RGS22: variants seen among roughly 807,000 people sequenced by gnomAD.
The protein encoded by RGS22 is regulator of G-protein signaling 22.
A neutral mutation model predicts 172.9 loss-of-function variants in RGS22; 148 were observed. The observed-to-expected ratio is 0.86, with a 90% CI of 0.75 to 0.98. The LOEUF (loss-of-function observed/expected upper bound fraction) is 0.98, where lower values mean the gene tolerates loss of function less well. Among genes scored for constraint, RGS22 ranks in the 50% least tolerant of loss-of-function variants. RGS22 has a pLI of 0.00. For synonymous variants in RGS22, 458 were observed against 480.2 expected (o/e 0.95, Z 0.60); for missense variants, 1,347 against 1,440.8 (o/e 0.93, Z 1.05).
At chr8:100,033,105 G>A (rs1394237348) in intron 14 of RGS22, among the ~76,000 whole-genome samples, 1 of 152,098 alleles carries the variant, frequency 6.6e-6, no homozygotes, top group Non-Finnish European at 1.5e-5. Context: ...ACAATTAAAA[G>A]AACTAGAGAA....
rs1259551210 is a variant in RGS22 at position 100,051,513 on chromosome 8, ATATATTTT to A, written c.1689+1281_1689+1288del. Reference sequence around the variant, plus strand: ...TATAATATATAATAAATATATATAAATATATTTTTATATATTTATACATATATATTTAT... The same window carrying A: ...TATAATATATAATAAATATATATAAATATATATTTATACATATATATTTAT... On this transcript the variant is annotated intron_variant, in intron 10 of 27. Transcript: ENST00000360863. 1.5e-4 allele frequency among the ~76,000 whole-genome samples: 3 copies of A among 19,712 alleles called. 1 individual carries two copies. The highest frequency in any genetic ancestry group is 5.5e-4 in the African/African-American group (3 of 5,440). The allele number at this position is 19,712 out of a possible 152,430, so 12.9% of individuals were successfully genotyped here.
chr8:100,102,840 A>C (rs528850516), intron 2 of RGS22, among the ~76,000 whole-genome samples: 1 of 152,356 alleles, frequency 6.6e-6, no homozygotes, highest in Admixed American at 6.5e-5. Context: ...GGTAAGGTTA[A>C]AGAAGGCTGA....
At chr8:100,015,289 T>TTTTC (rs142998285) in intron 14 of RGS22, among the ~76,000 whole-genome samples, 10,411 of 152,018 alleles carry the variant, frequency 0.068, 463 homozygotes, top group Non-Finnish European at 0.096. Context: ...TTTTCTTTTC[T>TTTTC]TTTCTTTCTT....
intron 21 of RGS22, 29 bp from the exon 22 acceptor site, chr8:99,982,145 A>C: frequency 6.5e-7 from 1 of 1,529,192 alleles, no homozygotes; most frequent in Non-Finnish European, 8.9e-7. Flanking sequence ...AGAATGGTAT[A>C]TAATTAATGC....
At chr8:100,081,010 A>G (rs1811711582) in intron 3 of RGS22, among the ~76,000 whole-genome samples, 1 of 152,292 alleles carries the variant, frequency 6.6e-6, no homozygotes, top group Non-Finnish European at 1.5e-5. Context: ...GACTCTAGGT[A>G]AATCACTGAA....
At chr8:100,091,552 T>A (rs560589373) in intron 3 of RGS22, among the ~76,000 whole-genome samples, 3 of 152,338 alleles carry the variant, frequency 2.0e-5, no homozygotes, top group Admixed American at 2.0e-4. Context: ...GTAAACTGTC[T>A]ATAATATTGT....
chr8:100,000,569 C>T (rs985546063), intron 18 of RGS22, among the ~76,000 whole-genome samples: 1 of 152,084 alleles, frequency 6.6e-6, no homozygotes, highest in East Asian at 1.9e-4. Context: ...GTAGTAAGCA[C>T]ATCTATTTGC....
At chr8:100,011,442 C>A (rs1224939784) in intron 14 of RGS22, among the ~76,000 whole-genome samples, 1 of 152,172 alleles carries the variant, frequency 6.6e-6, no homozygotes, top group Non-Finnish European at 1.5e-5. Context: ...TCTATTCTTA[C>A]CACAGCAGAC....
chr8:99,991,197 G>A (rs1813679843), intron 20 of RGS22, among the ~76,000 whole-genome samples: 1 of 152,178 alleles, frequency 6.6e-6, no homozygotes, highest in Non-Finnish European at 1.5e-5. Context: ...AAAAATCACA[G>A]CACCTCTTCT....
At position 100,043,808 on chromosome 8, in the gene RGS22, C is replaced by A. The variant is rs187322162; in HGVS notation, c.1824-1892G>T. On this transcript the variant is annotated intron_variant, in intron 11 of 27. Transcript: ENST00000360863. ...AAAAAACAAAACAAAACAAAAAAAACCACAAAAACAACAAAAATCTTTAGC... is the reference window on the plus strand; with the variant it reads ...AAAAAACAAAACAAAACAAAAAAAAACACAAAAACAACAAAAATCTTTAGC... 3.3e-3 allele frequency among the ~76,000 whole-genome samples: 492 copies of A among 151,188 alleles called. 2 individuals are homozygous for A. The highest frequency in any genetic ancestry group is 8.4e-3 in the Admixed American group (128 of 15,188).
At chr8:100,099,258 G>T (rs1415796247) in intron 2 of RGS22, among the ~76,000 whole-genome samples, 1 of 151,950 alleles carries the variant, frequency 6.6e-6, no homozygotes, top group Non-Finnish European at 1.5e-5. Flanking sequence ...CCAATACTTC[G>T]AATTATACCT....
At chr8:100,029,717 A>AG (rs1389040544) in intron 14 of RGS22, among the ~76,000 whole-genome samples, 4 of 150,690 alleles carry the variant, frequency 2.7e-5, no homozygotes, top group Non-Finnish European at 3.0e-5. Flanking sequence ...AAAAAAAAAA[A>AG]AAAAAAGAAA....
rs747911660 is a variant in RGS22 at position 100,063,583 on chromosome 8, C to T, written c.1185G>A (p.Glu395=). The T allele has an allele frequency of 1.2e-6, 2 of 1,613,948 alleles. No individual in the cohort carries two copies. Among genetic ancestry groups the T allele is most frequent in the Non-Finnish European group, 1.7e-6 (2 of 1,179,988 alleles). The stretch of plus-strand genomic sequence containing the variant: ...GAGAAATACACCAGTCCGCCCTGCT[C>T]TCTGGTCCAGCGCTCTCATTCTTTG... ...LSSKNESAGP[E]SRADWCISHR... Residue 395 remains glutamate, a synonymous_variant, in exon 8 of 28, where the codon GAG becomes GAA. Coordinates refer to ENST00000360863, the MANE Select transcript of RGS22 (RefSeq NM_015668.5).
At chr8:100,093,536 G>C (rs1000439991) in intron 2 of RGS22, 27 bp from the exon 3 acceptor site, 5 of 1,452,200 alleles carry the variant, frequency 3.4e-6, no homozygotes, top group Non-Finnish European at 4.8e-6. Context: ...TAAAAACACA[G>C]TATTATAATT....
chr8:100,066,110 A>G, intron 7 of RGS22, 57 bp downstream of exon 7: 1 of 1,558,952 alleles, frequency 6.4e-7, no homozygotes, highest in Non-Finnish European at 8.8e-7. Flanking sequence ...AAATTAGAAC[A>G]AACAAACAAA....
rs529307614 is a variant in RGS22 at position 100,060,244 on chromosome 8, C to G, written c.1514+2347G>C. The stretch of plus-strand genomic sequence containing the variant: ...ATATCCTGTGCATATACCATACTTT[C>G]TTTTATTATACTAATGTCACATGTA... On this transcript the variant is annotated intron_variant, in intron 9 of 27. Coordinates refer to ENST00000360863, the MANE Select transcript of RGS22 (RefSeq NM_015668.5). Among the ~76,000 whole-genome samples the G allele has an allele frequency of 4.6e-5, 7 of 151,914 alleles. No homozygotes were observed. In the South Asian group the frequency reaches 1.5e-3, roughly 32 times the overall value.
intron 3 of RGS22, among the ~76,000 whole-genome samples, chr8:100,088,757 G>A (rs1812342790): frequency 6.6e-6 from 1 of 152,028 alleles, no homozygotes; most frequent in African/African-American, 2.4e-5. Flanking sequence ...ATAGTGTAGG[G>A]GCCAGAATGC....
chr8:100,008,858 G>A (rs934216343), intron 14 of RGS22, among the ~76,000 whole-genome samples: 1 of 152,102 alleles, frequency 6.6e-6, no homozygotes, highest in Non-Finnish European at 1.5e-5. Context: ...GAGTTTATGT[G>A]CCTCTTTTTT....
chr8:99,987,003 G>T (rs1352219940), intron 21 of RGS22, among the ~76,000 whole-genome samples: 3 of 152,068 alleles, frequency 2.0e-5, no homozygotes, highest in Admixed American at 6.5e-5. Context: ...ACCTAATACA[G>T]GTTGAGTATC....
Sources: gnomAD v4.1 joint callset for allele counts (sites outside exome capture counted in the v4.1 genomes callset) on GRCh38, gnomAD v4.1.1 for gene constraint, MANE v1.5 for transcripts, NCBI Gene and HGNC (gene_info 2026-07-23, HGNC 2026-07-21) for gene names.